FAF1: variants seen among roughly 807,000 people sequenced by gnomAD.
The protein encoded by FAF1 is Fas associated factor 1, also known as FAS-associated factor 1.
Under a neutral mutation model 92.5 loss-of-function variants are expected in FAF1, and 25 were observed. The observed-to-expected ratio is 0.27, with a 90% confidence interval of 0.20 to 0.38. FAF1 has a LOEUF of 0.38. Among genes scored for constraint, FAF1 ranks in the 10% least tolerant of loss-of-function variants. The pLI is 1.00. For synonymous variants in FAF1, 234 were observed against 273.2 expected (o/e 0.86, Z 1.42); for missense variants, 636 against 793.3 (o/e 0.80, Z 2.38).
intron 7 of FAF1, among the ~76,000 whole-genome samples, chr1:50,662,617 T>C (rs1218427595): frequency 6.7e-6 from 1 of 150,172 alleles, no homozygotes; most frequent in East Asian, 2.0e-4. Context: ...AACTTGACAA[T>C]TGCAAAGTTA....
At chr1:50,547,355 G>A (rs1024669831) in intron 13 of FAF1, among the ~76,000 whole-genome samples, 1 of 152,110 alleles carries the variant, frequency 6.6e-6, no homozygotes, top group Non-Finnish European at 1.5e-5. Flanking sequence ...GAGGCTTCCA[G>A]TAATAGTAAA....
At chr1:50,910,691 C>T (rs924863487) in intron 1 of FAF1, among the ~76,000 whole-genome samples, 44 of 151,754 alleles carry the variant, frequency 2.9e-4, no homozygotes, top group African/African-American at 9.9e-4. Flanking sequence ...AAGCCAGGCG[C>T]GGGATTAATC....
Position 50,487,004 on chromosome 1 carries a change from T to G in FAF1, c.1653+3584A>C, listed in dbSNP as rs182836052. 9.3e-4 allele frequency among the ~76,000 whole-genome samples: 142 copies of G among 152,316 alleles called. 3 individuals are homozygous for G. Among genetic ancestry groups the G allele is most frequent in the Admixed American group, 9.1e-3 (140 of 15,302 alleles). The stretch of plus-strand genomic sequence containing the variant: ...CCTTTGCAGGGATGATTTTACTATA[T>G]TGTACTTTAGCCTTATGATTTAGAA... On this transcript the variant is annotated intron_variant, in intron 17 of 18. Coordinates refer to ENST00000396153, the MANE Select transcript of FAF1 (RefSeq NM_007051.3).
chr1:50,586,671 C>A (rs377674269), intron 9 of FAF1, among the ~76,000 whole-genome samples: 45 of 152,296 alleles, frequency 3.0e-4, no homozygotes, highest in African/African-American at 1.0e-3. Context: ...GTTCGTAGAT[C>A]TAAGATCTCC....
intron 8 of FAF1, among the ~76,000 whole-genome samples, chr1:50,647,738 C>T (rs749119323): frequency 3.3e-5 from 5 of 152,108 alleles, no homozygotes; most frequent in African/African-American, 7.2e-5. Context: ...AATAACTCTA[C>T]GAGTTATTGT....
At chr1:50,868,182 G>C (rs998108117) in intron 1 of FAF1, among the ~76,000 whole-genome samples, 2 of 152,056 alleles carry the variant, frequency 1.3e-5, no homozygotes, top group African/African-American at 2.4e-5. Flanking sequence ...TGAGGGGAAG[G>C]GTGGGAGTCA....
rs139171518 is a variant in FAF1, at chr1:50,837,944, C to T, written c.114+19985G>A. On this transcript the variant is annotated intron_variant, in intron 2 of 18. Transcript: ENST00000396153. ...ATTTTTAGCAGAGACGGGGTTTCAC[C>T]GTGTTAGCCAGGATGGTCTCCATCT... is the stretch of plus-strand genomic sequence containing the variant. Among the ~76,000 whole-genome samples, 1,099 of 151,956 alleles carry T rather than the reference C, an allele frequency of 7.2e-3. 9 individuals are homozygous for T. The highest frequency in any genetic ancestry group is 0.025 in the African/African-American group (1,028 of 41,410).
At chr1:50,817,468 T>C (rs1043731971) in intron 2 of FAF1, among the ~76,000 whole-genome samples, 1 of 152,324 alleles carries the variant, frequency 6.6e-6, no homozygotes, top group African/African-American at 2.4e-5. Context: ...AAAATGTTGG[T>C]TGCCAGAGGC....
In FAF1 at chr1:50,915,137, G is replaced by A. The variant is rs1644910567; in HGVS notation, c.45+44630C>T. On this transcript the variant is annotated intron_variant, in intron 1 of 18. Coordinates refer to ENST00000396153, the MANE Select transcript of FAF1 (RefSeq NM_007051.3). ...TGTAATCCTAGCACTTTGGAAGGCT[G>A]AGGCGGACAGATCACCTGAGGTCAG... is the stretch of plus-strand genomic sequence containing the variant. Among the ~76,000 whole-genome samples the A allele has an allele frequency of 2.0e-5, 3 of 152,182 alleles. No homozygotes were observed. The South Asian group carries it at 6.2e-4, about 32-fold the overall frequency.
chr1:50,678,891 T>C (rs577126932), intron 7 of FAF1, among the ~76,000 whole-genome samples: 3 of 143,066 alleles, frequency 2.1e-5, no homozygotes, highest in African/African-American at 7.6e-5. Flanking sequence ...ATTGAGACCA[T>C]CCTGGCTAAC....
chr1:50,486,834 C>T (rs1646775035), intron 17 of FAF1, among the ~76,000 whole-genome samples: 1 of 152,060 alleles, frequency 6.6e-6, no homozygotes, highest in East Asian at 1.9e-4. Context: ...GACTCAAAAA[C>T]CTTAGCTGAA....
At chr1:50,447,882 A>G (rs911365820) in intron 18 of FAF1, among the ~76,000 whole-genome samples, 36 of 152,212 alleles carry the variant, frequency 2.4e-4, no homozygotes, top group African/African-American at 8.7e-4. Context: ...GCTGTACATT[A>G]TCTAATGTTA....
intron 2 of FAF1, among the ~76,000 whole-genome samples, chr1:50,855,690 A>T (rs564863009): frequency 5.6e-4 from 85 of 152,036 alleles, no homozygotes; most frequent in Middle Eastern, 3.4e-3. Context: ...GCTGCATGAA[A>T]ACAGGATAAA....
At chr1:50,705,649 C>G (rs1454210026) in intron 7 of FAF1, 137 bp downstream of exon 7, 2 of 540,684 alleles carry the variant, frequency 3.7e-6, no homozygotes, top group African/African-American at 1.9e-5. Context: ...CATTGATGCT[C>G]CAGTTAATTA....
At chr1:50,602,471 T>C (rs1042081017) in intron 8 of FAF1, among the ~76,000 whole-genome samples, 2 of 152,054 alleles carry the variant, frequency 1.3e-5, no homozygotes, top group African/African-American at 2.4e-5. Context: ...GTGCTATTAA[T>C]ATATGCATTT....
chr1:50,639,933 C>CAAAAAAAA (rs1197342810), intron 8 of FAF1, among the ~76,000 whole-genome samples: 785 of 70,032 alleles, frequency 0.011, 16 homozygotes, highest in African/African-American at 0.034. Flanking sequence ...GACTCGATCT[C>CAAAAAAAA]AAAAAAAAAA....
intron 4 of FAF1, chr1:50,780,896 T>C: frequency 2.1e-6 from 1 of 483,352 alleles, no homozygotes; most frequent in Admixed American, 2.1e-5. Flanking sequence ...GCCAAACACA[T>C]GGCTCAGCAG....
At position 50,834,674 on chromosome 1, in the gene FAF1, A is replaced by G. The variant is rs555215417; in HGVS notation, c.114+23255T>C. 2.6e-5 allele frequency among the ~76,000 whole-genome samples: 4 copies of G among 152,336 alleles called. No individual in the cohort carries two copies. The South Asian group carries it at 6.2e-4, about 24-fold the overall frequency. On this transcript the variant is annotated intron_variant, in intron 2 of 18. Coordinates refer to ENST00000396153, the MANE Select transcript of FAF1 (RefSeq NM_007051.3). ...ATAAAAGTCACAACAACCTCTATGG[A>G]AAAACTGATATATGTTAGCCTCCCT...
intron 16 of FAF1, among the ~76,000 whole-genome samples, chr1:50,491,214 C>A (rs1325127423): frequency 6.6e-6 from 1 of 152,230 alleles, no homozygotes; most frequent in Non-Finnish European, 1.5e-5. Flanking sequence ...TGAACTCTCA[C>A]AGAACTCAGT....
Sources: gnomAD v4.1 joint callset for allele counts (sites outside exome capture counted in the v4.1 genomes callset) on GRCh38, gnomAD v4.1.1 for gene constraint, MANE v1.5 for transcripts, NCBI Gene and HGNC (gene_info 2026-07-23, HGNC 2026-07-21) for gene names.